The following TSPAN8 variants were observed in gnomAD, a reference collection of about 807,000 sequenced individuals.
The protein encoded by TSPAN8 is tetraspanin-8.
Under a neutral mutation model 32.8 loss-of-function variants are expected in TSPAN8, and 21 were observed. The ratio of observed to expected loss-of-function variants is 0.64; its 90% CI spans 0.45 to 0.92. The LOEUF (loss-of-function observed/expected upper bound fraction) is 0.92. TSPAN8 is among the 40% of genes least tolerant of loss of function. The pLI, the probability that TSPAN8 is intolerant of heterozygous loss-of-function variation, is 0.00. For synonymous variants in TSPAN8, 95 were observed against 94.6 expected (o/e 1.00, Z -0.03); for missense variants, 269 against 281.9 (o/e 0.95, Z 0.33).
rs559476925 is a variant in TSPAN8, at chr12:71,134,169, C to T, written c.445-1345G>A. Among the ~76,000 whole-genome samples, 140 of 152,162 alleles carry T rather than the reference C, an allele frequency of 9.2e-4. 2 individuals are homozygous for T. In the South Asian group the frequency reaches 0.028, roughly 30 times the overall value. ...TTTGCAGATTTATCATAAAGATAAA[C>T]ATAAGAAAATCCATGTAAAGATAAG... is the stretch of plus-strand genomic sequence containing the variant. On this transcript the variant is annotated intron_variant, in intron 6 of 8. Coordinates refer to ENST00000247829, the MANE Select transcript of TSPAN8 (RefSeq NM_004616.3).
chr12:71,136,135 A>T (rs1415997546), intron 6 of TSPAN8, among the ~76,000 whole-genome samples: 1 of 152,118 alleles, frequency 6.6e-6, no homozygotes, highest in Non-Finnish European at 1.5e-5. Flanking sequence ...GAAACCAAGG[A>T]TGTTTCCACT....
intron 2 of TSPAN8, among the ~76,000 whole-genome samples, chr12:71,149,547 C>CCCCATTGTTGCAG (rs1478458922): frequency 6.6e-6 from 1 of 152,190 alleles, no homozygotes; most frequent in Non-Finnish European, 1.5e-5. Flanking sequence ...AAATCTTCAG[C>CCCCATTGTTGCAG]CCCATATTGT....
chr12:71,141,249 G>A (rs1798091), intron 3 of TSPAN8, among the ~76,000 whole-genome samples: 109,701 of 152,116 alleles, frequency 0.72, 40,450 homozygotes, highest in Non-Finnish European at 0.81. Context: ...TTCAATTTAC[G>A]TATTTTGAAA....
At position 71,146,806 on chromosome 12, in the gene TSPAN8, A is replaced by C. The variant is rs115097536; in HGVS notation, c.61-2593T>G. On this transcript the variant is annotated intron_variant, in intron 2 of 8. Transcript: ENST00000247829. ...TAGGCAATTTTGATATTTGCTTATA[A>C]TGGACTGAATTGTGTCTCCACAAAA... 9.6e-3 allele frequency among the ~76,000 whole-genome samples: 1,464 copies of C among 152,282 alleles called. 21 individuals are homozygous for C. The highest frequency in any genetic ancestry group is 0.033 in the African/African-American group (1,380 of 41,552).
At chr12:71,140,248 T>C (rs1199676169) in intron 3 of TSPAN8, among the ~76,000 whole-genome samples, 1 of 152,160 alleles carries the variant, frequency 6.6e-6, no homozygotes, top group Non-Finnish European at 1.5e-5. Context: ...AAACTATTGA[T>C]AGACACAACA....
intron 7 of TSPAN8, among the ~76,000 whole-genome samples, chr12:71,131,262 CT>C (rs1871510173): frequency 6.6e-6 from 1 of 152,010 alleles, no homozygotes; most frequent in African/African-American, 2.4e-5. Flanking sequence ...AAGAATCAAA[CT>C]TTTTTTAGTA....
intron 6 of TSPAN8, 107 bp from the exon 7 acceptor site, chr12:71,132,931 A>T (rs992060202): frequency 5.5e-6 from 7 of 1,277,772 alleles, no homozygotes; most frequent in Non-Finnish European, 7.6e-6. Context: ...TTATTATGCT[A>T]AAATACCATG....
At position 71,125,273 on chromosome 12, in the gene TSPAN8, A is replaced by G. The variant is rs1871313961; in HGVS notation, c.*61T>C. ...ATATAGCACTTACATATTTAAATTTACAAAGCCAAAGCAACATTTTAAAGG... is the reference window on the plus strand; with the variant it reads ...ATATAGCACTTACATATTTAAATTTGCAAAGCCAAAGCAACATTTTAAAGG... On this transcript the variant is annotated 3_prime_UTR_variant, in exon 9 of 9. Coordinates refer to ENST00000247829, the MANE Select transcript of TSPAN8 (RefSeq NM_004616.3). 1 of 1,483,272 alleles carries G rather than the reference A, an allele frequency of 6.7e-7. No homozygotes were observed. Among genetic ancestry groups the G allele is most frequent in the South Asian group, 1.2e-5 (1 of 82,762 alleles). 91.9% of individuals were successfully genotyped at this position (1,483,272 alleles called of 1,614,324 possible).
At chr12:71,127,005 C>T (rs1017744442) in intron 8 of TSPAN8, among the ~76,000 whole-genome samples, 6 of 152,044 alleles carry the variant, frequency 3.9e-5, no homozygotes, top group Non-Finnish European at 8.8e-5. Context: ...AATATTGGCC[C>T]ACCTCACTAA....
At chr12:71,135,337 G>A in intron 6 of TSPAN8, among the ~76,000 whole-genome samples, 1 of 143,898 alleles carries the variant, frequency 6.9e-6, no homozygotes. Context: ...GGAGAAGGAG[G>A]AGGAGGAAGA....
intron 2 of TSPAN8, among the ~76,000 whole-genome samples, chr12:71,146,828 A>G (rs1235834147): frequency 1.3e-5 from 2 of 152,228 alleles, no homozygotes; most frequent in Non-Finnish European, 2.9e-5. Flanking sequence ...GTGTCTCCAC[A>G]AAATTCATAT....
intron 6 of TSPAN8, 104 bp from the exon 7 acceptor site, chr12:71,132,928 G>C (rs1247983983): frequency 7.4e-7 from 1 of 1,346,058 alleles, no homozygotes; most frequent in Non-Finnish European, 1.0e-6. Context: ...AGGTTATTAT[G>C]CTAAAATACC....
At chr12:71,154,539 A>C (rs902742281) in intron 2 of TSPAN8, among the ~76,000 whole-genome samples, 4 of 152,006 alleles carry the variant, frequency 2.6e-5, no homozygotes, top group African/African-American at 9.7e-5. Context: ...GTTTAATGAA[A>C]CACTGACCTC....
chr12:71,130,433 A>G (rs1439381566), intron 7 of TSPAN8, among the ~76,000 whole-genome samples: 1 of 152,164 alleles, frequency 6.6e-6, no homozygotes, highest in Non-Finnish European at 1.5e-5. Flanking sequence ...TCATGCTTAA[A>G]ACATTTTGGA....
intron 2 of TSPAN8, among the ~76,000 whole-genome samples, chr12:71,153,179 A>C (rs908823061): frequency 6.6e-6 from 1 of 152,118 alleles, no homozygotes; most frequent in Non-Finnish European, 1.5e-5. Flanking sequence ...AAAGCACCAT[A>C]AGCATCTACG....
intron 5 of TSPAN8, 44 bp from the exon 6 acceptor site, chr12:71,138,104 G>A (rs1215715955): frequency 1.2e-6 from 2 of 1,610,798 alleles, no homozygotes; most frequent in South Asian, 2.2e-5. Context: ...CCACAAGGTA[G>A]TATTTCAATT....
chr12:71,135,235 G>A (rs554796561), intron 6 of TSPAN8, among the ~76,000 whole-genome samples: 26 of 57,010 alleles, frequency 4.6e-4, no homozygotes, highest in African/African-American at 1.2e-3. Flanking sequence ...GAAGAAGGAG[G>A]AGGAGGAGGA....
intron 2 of TSPAN8, among the ~76,000 whole-genome samples, chr12:71,146,518 C>T (rs1186317771): frequency 6.6e-6 from 1 of 152,002 alleles, no homozygotes; most frequent in African/African-American, 2.4e-5. Context: ...AGAGCTTTTC[C>T]CCTAATGTTT....
At chr12:71,133,783 C>A (rs1313822233) in intron 6 of TSPAN8, among the ~76,000 whole-genome samples, 1 of 152,088 alleles carries the variant, frequency 6.6e-6, no homozygotes, top group Non-Finnish European at 1.5e-5. Flanking sequence ...GAAATGATAA[C>A]CCCAAGAATC....
Sources: allele counts gnomAD v4.1 joint callset (sites outside exome capture counted in the v4.1 genomes callset), GRCh38; gene constraint gnomAD v4.1.1; transcripts MANE v1.5; gene names NCBI Gene and HGNC (gene_info 2026-07-23, HGNC 2026-07-21).